The following SNRNP35 variants were observed in gnomAD, a reference collection of about 807,000 sequenced individuals.
SNRNP35 encodes small nuclear ribonucleoprotein U11/U12 subunit 35, also known as U11/U12 small nuclear ribonucleoprotein 35 kDa protein.
A neutral mutation model predicts 24.3 loss-of-function variants in SNRNP35; 16 were observed. That is an observed-to-expected ratio of 0.66 (90% CI 0.45 to 1.00). The LOEUF is 1.00. Among genes scored for constraint, SNRNP35 ranks in the 50% least tolerant of loss-of-function variants. The probability of loss-of-function intolerance (pLI) is 0.00; values close to 1 mark genes in which losing one functional copy is unlikely to be tolerated. For missense variants in SNRNP35, 292 were observed against 327.2 expected (o/e 0.89, Z 0.83); for synonymous variants, 106 against 124.8 (o/e 0.85, Z 1.00).
At chr12:123,469,604 C>T (rs1314232830), downstream of SNRNP35, among the ~76,000 whole-genome samples, 1 of 152,128 alleles carries the variant, frequency 6.6e-6, no homozygotes, top group African/African-American at 2.4e-5. Context: ...AGGGATCCTC[C>T]TGCCTTAGCC....
Position 123,465,529 on chromosome 12 carries a change from C to A in SNRNP35, c.-3-9C>A, listed in dbSNP as rs376279239. The A allele has an allele frequency of 3.9e-6, 6 of 1,532,380 alleles. No individual in the cohort carries two copies. 94.9% of individuals were successfully genotyped at this position (1,532,380 alleles called of 1,614,324 possible). ...AGGCTCCATCCACGCTTGCTCTTAT[C>A]ATTCATAGAACATGAACGATTGGAT... On this transcript the variant is annotated splice_polypyrimidine_tract_variant and intron_variant, in intron 1 of 1. Transcript: ENST00000526639. The surrounding 1 kb of genome is among the most constrained non-coding windows in gnomAD (Gnocchi z 4.2).
chr12:123,466,226 G>T lies in SNRNP35; in HGVS notation c.686G>T (p.Arg229Met). The stretch of plus-strand genomic sequence containing the variant: ...CCCGACAATGACTGGGAGAGAGAGA[G>T]GGACTTCAGAGATGACAGGATCAAG... ...VWPDNDWERE[R>M]DFRDDRIKGR... Residue 229 changes from arginine to methionine, a missense_variant, in exon 2 of 2, where the codon AGG (arginine) becomes ATG (methionine). By Grantham distance (91) the Arg-to-Met change is moderately conservative. Coordinates refer to ENST00000526639, the MANE Select transcript of SNRNP35 (RefSeq NM_022717.4). The T allele has an allele frequency of 6.4e-7, 1 of 1,552,626 alleles. No individual in the cohort carries two copies. Among genetic ancestry groups the T allele is most frequent in the Non-Finnish European group, 8.7e-7 (1 of 1,153,762 alleles).
downstream of SNRNP35, chr12:123,470,473 CAAAA>C (rs57574691): frequency 5.3e-4 from 46 of 86,154 alleles, no homozygotes; most frequent in Non-Finnish European, 7.6e-4. Flanking sequence ...ACCCTGTGTC[CAAAA>C]AAAAAAAAAA....
At chr12:123,468,792 G>T (rs190499481), downstream of SNRNP35, among the ~76,000 whole-genome samples, 13 of 152,314 alleles carry the variant, frequency 8.5e-5, no homozygotes, top group East Asian at 2.5e-3. Context: ...CAATGGTACA[G>T]CCTCCATGGT....
downstream of SNRNP35, chr12:123,469,931 G>A (rs1881110290): frequency 6.6e-6 from 1 of 152,022 alleles, no homozygotes; most frequent in South Asian, 2.1e-4. Flanking sequence ...CCATCTACTC[G>A]GGAGGCTGAG....
chr12:123,463,874 C>T (rs1385996776), intron 1 of SNRNP35, among the ~76,000 whole-genome samples: 1 of 151,306 alleles, frequency 6.6e-6, no homozygotes, highest in Non-Finnish European at 1.5e-5. Flanking sequence ...AGCCACTCTC[C>T]TGCCTCAACC....
exon 2 of SNRNP35, chr12:123,472,609 C>T: frequency 6.3e-7 from 1 of 1,580,170 alleles, no homozygotes; most frequent in Non-Finnish European, 8.6e-7. Context: ...GCCCACTGTC[C>T]AAAGGACTCC....
intron 1 of SNRNP35, among the ~76,000 whole-genome samples, chr12:123,464,091 G>A (rs1210920681): frequency 6.6e-6 from 1 of 151,304 alleles, no homozygotes; most frequent in Non-Finnish European, 1.5e-5. Context: ...CTACAACCAC[G>A]CCCCGCTAAT....
intron 1 of SNRNP35, among the ~76,000 whole-genome samples, chr12:123,461,491 A>G (rs543785975): frequency 1.7e-3 from 258 of 152,096 alleles, no homozygotes; most frequent in African/African-American, 6.1e-3. Context: ...AGTTAGAGCC[A>G]GAGCCCAGAC....
chr12:123,471,854 T>C (rs1373136014), downstream of SNRNP35: 3 of 152,838 alleles, frequency 2.0e-5, no homozygotes, highest in Non-Finnish European at 4.4e-5. Flanking sequence ...TGGTTAGTAC[T>C]GCATAACTCA....
downstream of SNRNP35, among the ~76,000 whole-genome samples, chr12:123,468,689 C>CAAAACAA (rs926864332): frequency 6.6e-6 from 1 of 151,928 alleles, no homozygotes. Flanking sequence ...GACCCTGTCT[C>CAAAACAA]AAAACAAAAA....
In SNRNP35 at chr12:123,466,330, A is replaced by AG. The variant is rs772906797; in HGVS notation, c.*54dup. The stretch of plus-strand genomic sequence containing the variant: ...GTGAAGTTACAGTGGAAATGAGTGG[A>AG]GGGGGATTGTCTTTCAACGCAGCGT... On this transcript the variant is annotated 3_prime_UTR_variant, in exon 2 of 2. Transcript: ENST00000526639. 1.3e-5 allele frequency: 20 copies of AG among 1,494,452 alleles called. No homozygotes were observed. In the African/African-American group the frequency reaches 2.8e-4, roughly 21 times the overall value. The allele number at this position is 1,494,452 out of a possible 1,614,324, so 92.6% of individuals were successfully genotyped here.
chr12:123,460,472 G>C (rs529381765), intron 1 of SNRNP35, among the ~76,000 whole-genome samples: 1 of 151,850 alleles, frequency 6.6e-6, no homozygotes, highest in Non-Finnish European at 1.5e-5. Flanking sequence ...GAGGAGTTAA[G>C]AGGTTAGTAC....
intron 1 of SNRNP35, among the ~76,000 whole-genome samples, chr12:123,460,949 G>A (rs1308944571): frequency 1.4e-5 from 2 of 146,070 alleles, no homozygotes; most frequent in African/African-American, 2.6e-5. Flanking sequence ...GAGCTACTGC[G>A]CCTGGCCTTT....
intron 1 of SNRNP35, among the ~76,000 whole-genome samples, chr12:123,462,327 A>G (rs1880677458): frequency 6.6e-6 from 1 of 152,154 alleles, no homozygotes; most frequent in South Asian, 2.1e-4. Context: ...CCAAAAAGAA[A>G]GAAAAATTGT....
intron 1 of SNRNP35, among the ~76,000 whole-genome samples, chr12:123,460,250 T>A (rs771573810): frequency 1.3e-5 from 2 of 152,086 alleles, no homozygotes; most frequent in Non-Finnish European, 2.9e-5. Flanking sequence ...CCTATCTTTA[T>A]CTCCAAAACC....
rs189339637 is a variant in SNRNP35, at chr12:123,472,321, A to G, written n.1328A>G. 21 of 539,260 alleles carry G rather than the reference A, an allele frequency of 3.9e-5. No individual in the cohort carries two copies. The East Asian group carries it at 6.2e-4, about 16-fold the overall frequency. 33.4% of individuals were successfully genotyped at this position (539,260 alleles called of 1,614,324 possible). ...TCCTACGGGATCAGAGTCATCTATT[A>G]GAAACAGTGATAGCCCTGGGTATAA... On this transcript the variant is annotated non_coding_transcript_exon_variant, in exon 2 of 2. Coordinates refer to the SNRNP35 transcript ENST00000527158.
Position 123,465,650 on chromosome 12 carries a change from C to T in SNRNP35, c.110C>T (p.Ala37Val), listed in dbSNP as rs1281972905. The change falls in exon 2 of 2, where the codon GCA (alanine) becomes GTA (valine). Residue 37 changes from alanine to valine, a missense_variant. Coordinates refer to ENST00000526639, the MANE Select transcript of SNRNP35 (RefSeq NM_022717.4). The surrounding 1 kb of genome is among the most constrained non-coding windows in gnomAD (Gnocchi z 4.2). ...HDRAVWRAMLARYVPNKGVIG... is the reference protein window; with the variant it reads ...HDRAVWRAMLVRYVPNKGVIG... ...CGCGCGGTCTGGAGGGCAATGCTGGCACGATATGTCCCCAACAAAGGTGTC... is the reference window on the plus strand; with the variant it reads ...CGCGCGGTCTGGAGGGCAATGCTGGTACGATATGTCCCCAACAAAGGTGTC... 6.2e-7 allele frequency: 1 copy of T among 1,613,854 alleles called. No homozygotes were observed. Among genetic ancestry groups the T allele is most frequent in the African/African-American group, 1.3e-5 (1 of 75,018 alleles).
intron 1 of SNRNP35, chr12:123,459,106 T>TATTGATTG (rs71088912): frequency 7.5e-4 from 113 of 150,890 alleles, no homozygotes; most frequent in Middle Eastern, 3.4e-3. Flanking sequence ...GAGAATTGAT[T>TATTGATTG]ATTGATTGAT....
Sources: gnomAD v4.1 joint callset for allele counts (sites outside exome capture counted in the v4.1 genomes callset) on GRCh38, gnomAD v4.1.1 for gene constraint, Gnocchi (gnomAD v3.1) non-coding constraint, MANE v1.5 for transcripts, NCBI Gene and HGNC (gene_info 2026-07-23, HGNC 2026-07-21) for gene names.